LEMD3: variants seen among roughly 807,000 people sequenced by gnomAD.
The protein encoded by LEMD3 is LEM domain containing 3.
A neutral mutation model predicts 95.2 loss-of-function variants in LEMD3; 33 were observed. That is an observed-to-expected ratio of 0.35 (90% CI 0.26 to 0.46). LEMD3 has a LOEUF of 0.46. LEMD3 is among the 20% of genes least tolerant of loss of function. The pLI is 1.00. For missense variants in LEMD3, 1,210 were observed against 1,192.8 expected (o/e 1.01, Z -0.21); for synonymous variants, 525 against 474.6 (o/e 1.11, Z -1.38).
At chr12:65,214,289 C>T (rs1334444086) in intron 2 of LEMD3, among the ~76,000 whole-genome samples, 1 of 152,144 alleles carries the variant, frequency 6.6e-6, no homozygotes, top group Admixed American at 6.5e-5. Context: ...GCCACCACAC[C>T]CAGCCTACTG....
rs1439427915 is a variant in LEMD3, at chr12:65,240,532, T to C, written c.2126+294T>C. On this transcript the variant is annotated intron_variant, in intron 8 of 12. Coordinates refer to ENST00000308330, the MANE Select transcript of LEMD3 (RefSeq NM_014319.5). ...AATTTCATCTTGATAAAGAAATAGA[T>C]GACAGCCAGTGGCTGGTGTTTTACT... 5 of 430,412 alleles carry C rather than the reference T, an allele frequency of 1.2e-5. No individual in the cohort carries two copies. In the Admixed American group the frequency reaches 2.0e-4, roughly 18 times the overall value. The allele number at this position is 430,412 out of a possible 1,614,324, so 26.7% of individuals were successfully genotyped here. A position where few individuals can be genotyped will look rare whatever the true frequency, so the allele number is the denominator to read the frequency against.
At chr12:65,190,894 G>A (rs2136324255) in intron 1 of LEMD3, among the ~76,000 whole-genome samples, 1 of 152,240 alleles carries the variant, frequency 6.6e-6, no homozygotes, top group Middle Eastern at 3.4e-3. Context: ...ATTCACAAAG[G>A]TATAGTTTAC....
chr12:65,177,144 A>G (rs1349947744), intron 1 of LEMD3, among the ~76,000 whole-genome samples: 1 of 152,126 alleles, frequency 6.6e-6, no homozygotes, highest in African/African-American at 2.4e-5. Context: ...CAACATTTGG[A>G]TTTTATTCTG....
chr12:65,223,634 T>A (rs1565794187), intron 4 of LEMD3, among the ~76,000 whole-genome samples: 1 of 152,136 alleles, frequency 6.6e-6, no homozygotes, highest in Non-Finnish European at 1.5e-5. Flanking sequence ...AAATCTAAGG[T>A]GTACACATGA....
chr12:65,236,564 AT>A (rs1490525888), intron 4 of LEMD3, among the ~76,000 whole-genome samples: 7 of 146,744 alleles, frequency 4.8e-5, no homozygotes, highest in East Asian at 4.1e-4. Context: ...AAAAAAAAAA[AT>A]TCATTTTTTG....
At chr12:65,229,568 A>G (rs1044105384) in intron 4 of LEMD3, among the ~76,000 whole-genome samples, 4 of 152,144 alleles carry the variant, frequency 2.6e-5, no homozygotes, top group African/African-American at 9.7e-5. Context: ...TTTTGATACT[A>G]GCAATTCTAA....
At chr12:65,211,440 T>C (rs1869935787) in intron 2 of LEMD3, among the ~76,000 whole-genome samples, 2 of 152,218 alleles carry the variant, frequency 1.3e-5, no homozygotes, top group Non-Finnish European at 2.9e-5. Context: ...AGGCTATTTC[T>C]TTAATTTTTT....
intron 4 of LEMD3, among the ~76,000 whole-genome samples, chr12:65,218,878 A>C (rs1870194732): frequency 6.6e-6 from 1 of 150,818 alleles, no homozygotes; most frequent in Non-Finnish European, 1.5e-5. Flanking sequence ...AACGTTCGCA[A>C]CCGGGGTTCA....
intron 1 of LEMD3, among the ~76,000 whole-genome samples, chr12:65,181,637 A>C (rs1868907246): frequency 6.6e-6 from 1 of 152,140 alleles, no homozygotes; most frequent in Non-Finnish European, 1.5e-5. Flanking sequence ...ATAGTTGGCT[A>C]ATTGAAGTAA....
chr12:65,241,623 G>A (rs1168732697), intron 9 of LEMD3, among the ~76,000 whole-genome samples: 1 of 152,034 alleles, frequency 6.6e-6, no homozygotes, highest in Non-Finnish European at 1.5e-5. Context: ...TAAGAAAGGG[G>A]TAAGTTTATA....
At chr12:65,242,740 T>A (rs774336056) in intron 9 of LEMD3, among the ~76,000 whole-genome samples, 24 of 152,318 alleles carry the variant, frequency 1.6e-4, no homozygotes, top group Middle Eastern at 3.4e-3. Context: ...ACCTTCTAAC[T>A]GGTCATCTTG....
intron 1 of LEMD3, among the ~76,000 whole-genome samples, chr12:65,192,193 A>T (rs1014005809): frequency 6.6e-6 from 1 of 152,162 alleles, no homozygotes; most frequent in South Asian, 2.1e-4. Context: ...ACAGACCAAT[A>T]CTTCAAGAAA....
chr12:65,239,891 C>A, intron 6 of LEMD3, 38 bp from the exon 7 acceptor site: 1 of 1,373,856 alleles, frequency 7.3e-7, no homozygotes, highest in Non-Finnish European at 1.0e-6. Flanking sequence ...ATGATATTGA[C>A]CACAATTTTT....
intron 4 of LEMD3, among the ~76,000 whole-genome samples, chr12:65,226,620 A>G (rs1167759402): frequency 1.3e-5 from 2 of 152,208 alleles, no homozygotes; most frequent in African/African-American, 4.8e-5. Context: ...TTAATGCATG[A>G]CTTATATGTA....
chr12:65,238,385 A>G (rs1870833954), intron 4 of LEMD3, 117 bp from the exon 5 acceptor site: 2 of 687,456 alleles, frequency 2.9e-6, no homozygotes, highest in Admixed American at 2.8e-5. Context: ...TCTGTAATGA[A>G]TATTTTATGT....
chr12:65,234,859 T>A (rs2136351542), intron 4 of LEMD3, among the ~76,000 whole-genome samples: 1 of 152,328 alleles, frequency 6.6e-6, no homozygotes, highest in African/African-American at 2.4e-5. Context: ...ATTTATAATG[T>A]CAGCCTCCTA....
chr12:65,188,156 A>G (rs996486310), intron 1 of LEMD3, among the ~76,000 whole-genome samples: 14 of 151,970 alleles, frequency 9.2e-5, no homozygotes, highest in African/African-American at 3.1e-4. Flanking sequence ...AAAAAAGGCC[A>G]GTTTTTTTTC....
At chr12:65,196,657 T>A (rs2136327900) in intron 1 of LEMD3, among the ~76,000 whole-genome samples, 1 of 152,148 alleles carries the variant, frequency 6.6e-6, no homozygotes, top group East Asian at 1.9e-4. Flanking sequence ...CTGTCATGAC[T>A]TACAGGCCCA....
chr12:65,185,982 G>A (rs1184253490), intron 1 of LEMD3, among the ~76,000 whole-genome samples: 1 of 152,034 alleles, frequency 6.6e-6, no homozygotes, highest in East Asian at 1.9e-4. Context: ...ATGAAGGTTG[G>A]AGTAGCAGTA....
Sources: gnomAD v4.1 joint callset for allele counts (sites outside exome capture counted in the v4.1 genomes callset) on GRCh38, gnomAD v4.1.1 for gene constraint, MANE v1.5 for transcripts, NCBI Gene and HGNC (gene_info 2026-07-23, HGNC 2026-07-21) for gene names.